Variants in KCNJ15 observed in about 807,000 individuals in gnomAD.
The protein encoded by KCNJ15 is ATP-sensitive inward rectifier potassium channel 15.
KCNJ15 carries 14 observed loss-of-function variants against 23.0 expected under a neutral mutation model. The ratio of observed to expected loss-of-function variants is 0.61; its 90% CI spans 0.40 to 0.95. The LOEUF (loss-of-function observed/expected upper bound fraction) is 0.95. Among genes scored for constraint, KCNJ15 ranks in the 40% least tolerant of loss-of-function variants. KCNJ15 has a pLI of 0.00. For missense variants in KCNJ15, 388 were observed against 461.8 expected (o/e 0.84, Z 1.46); for synonymous variants, 185 against 183.2 (o/e 1.01, Z -0.08).
At chr21:38,277,183 T>C (rs963018653) in intron 1 of KCNJ15, among the ~76,000 whole-genome samples, 2 of 152,162 alleles carry the variant, frequency 1.3e-5, no homozygotes, top group African/African-American at 4.8e-5. Context: ...GCATCTTTGA[T>C]TTTTGTAAAC....
At chr21:38,275,788 T>A (rs1239968917) in intron 1 of KCNJ15, among the ~76,000 whole-genome samples, 3 of 152,188 alleles carry the variant, frequency 2.0e-5, no homozygotes, top group African/African-American at 7.2e-5. Context: ...ACTTGAAACA[T>A]ACTTTGCCAC....
At chr21:38,243,452 T>TCTC (rs908428036) in intron 1 of KCNJ15, among the ~76,000 whole-genome samples, 1 of 83,580 alleles carries the variant, frequency 1.2e-5, no homozygotes, top group African/African-American at 1.0e-4. Context: ...CTTTTTGAGA[T>TCTC]GGAGTATCAC....
At chr21:38,243,911 C>T (rs1979184881) in intron 1 of KCNJ15, among the ~76,000 whole-genome samples, 1 of 152,162 alleles carries the variant, frequency 6.6e-6, no homozygotes, top group African/African-American at 2.4e-5. Flanking sequence ...CATAAAATAA[C>T]CATTTTCTAA....
chr21:38,234,891 A>G (rs1978499294), intron 1 of KCNJ15, among the ~76,000 whole-genome samples: 1 of 152,244 alleles, frequency 6.6e-6, no homozygotes, highest in South Asian at 2.1e-4. Flanking sequence ...ATCTGGCAAC[A>G]GAGATGTTTT....
intron 1 of KCNJ15, among the ~76,000 whole-genome samples, chr21:38,281,336 A>G (rs1358559108): frequency 6.6e-6 from 1 of 152,130 alleles, no homozygotes; most frequent in Non-Finnish European, 1.5e-5. Context: ...ATTAAACAAG[A>G]ATATTGCATG....
At position 38,300,715 on chromosome 21, in the gene KCNJ15, G is replaced by T; in HGVS notation, c.*326G>T. 4.2e-6 allele frequency: 1 copy of T among 235,618 alleles called. No individual in the cohort carries two copies. The allele number at this position is 235,618 out of a possible 1,614,324, so 14.6% of individuals were successfully genotyped here. A position where few individuals can be genotyped will look rare whatever the true frequency, so the allele number is the denominator to read the frequency against. On this transcript the variant is annotated 3_prime_UTR_variant, in exon 3 of 3. Coordinates refer to ENST00000398938, the MANE Select transcript of KCNJ15 (RefSeq NM_170736.3). The stretch of plus-strand genomic sequence containing the variant: ...ACATTTAGCAATCCTGACATTAAAA[G>T]GAAATGTATTTCTATACAAGATTAT...
Position 38,260,226 on chromosome 21 carries a change from G to A in KCNJ15, c.-117+3041G>A, listed in dbSNP as rs188029429. Among the ~76,000 whole-genome samples the A allele has an allele frequency of 2.1e-4, 32 of 152,270 alleles. No individual in the cohort carries two copies. In the East Asian group the frequency reaches 5.2e-3, roughly 25 times the overall value. On this transcript the variant is annotated intron_variant, in intron 1 of 2. Transcript: ENST00000398938. ...GATATTTCTGATAAAAAGGCCAGGC[G>A]AGAAAGTTGAACTTGACAGGTGTAG...
chr21:38,290,212 C>T (rs370610405), intron 1 of KCNJ15, among the ~76,000 whole-genome samples: 1 of 152,138 alleles, frequency 6.6e-6, no homozygotes, highest in Non-Finnish European at 1.5e-5. Flanking sequence ...AATGAGTCCC[C>T]TGTTGGGCCC....
At chr21:38,292,177 A>G (rs3787888) in intron 1 of KCNJ15, among the ~76,000 whole-genome samples, 15,299 of 152,242 alleles carry the variant, frequency 0.1, 2,185 homozygotes, top group African/African-American at 0.32. Flanking sequence ...AGCTTTGTGA[A>G]TGCATGTAAA....
rs552167212 is a variant in KCNJ15, at chr21:38,234,203, T to A, written c.-398-22843T>A. Among the ~76,000 whole-genome samples, 6 of 152,352 alleles carry A rather than the reference T, an allele frequency of 3.9e-5. No homozygotes were observed. The South Asian group carries it at 1.2e-3, about 32-fold the overall frequency. ...TCCAACCTGCGGCCTGGGGACCACA[T>A]GTAGCCCAGGATGGCTTTGAATGTG... On this transcript the variant is annotated intron_variant, in intron 1 of 4. Coordinates refer to the KCNJ15 transcript ENST00000547341.
chr21:38,272,329 G>C (rs1046912395), intron 1 of KCNJ15: 10 of 152,320 alleles, frequency 6.6e-5, no homozygotes, highest in African/African-American at 2.4e-4. Context: ...ACACGGATGA[G>C]GGCAGCTGGG....
intron 1 of KCNJ15, among the ~76,000 whole-genome samples, chr21:38,267,063 A>C (rs1981539216): frequency 1.3e-5 from 2 of 152,316 alleles, no homozygotes; most frequent in South Asian, 4.1e-4. Context: ...GAAGACCTGG[A>C]CCAGCATGGT....
intron 1 of KCNJ15, among the ~76,000 whole-genome samples, chr21:38,292,349 C>T (rs1298688694): frequency 6.6e-6 from 1 of 152,096 alleles, no homozygotes; most frequent in Admixed American, 6.5e-5. Flanking sequence ...CTATCAATGA[C>T]CTAATGACAG....
At chr21:38,238,802 A>C (rs1978798390) in intron 1 of KCNJ15, 1 of 306,802 alleles carries the variant, frequency 3.3e-6, no homozygotes, top group African/African-American at 2.2e-5. Flanking sequence ...CCAATATGTT[A>C]TTGTCCAGAG....
At chr21:38,255,666 A>G (rs893272800), upstream of KCNJ15, among the ~76,000 whole-genome samples, 1 of 152,070 alleles carries the variant, frequency 6.6e-6, no homozygotes. Flanking sequence ...CAGCAGGGAG[A>G]GGGGGGAGAA....
At chr21:38,262,935 C>T (rs570534835) in intron 1 of KCNJ15, among the ~76,000 whole-genome samples, 1 of 152,322 alleles carries the variant, frequency 6.6e-6, no homozygotes, top group Non-Finnish European at 1.5e-5. Flanking sequence ...ACCTCAACCT[C>T]CCAAAGTGCT....
At chr21:38,269,649 A>G (rs543146553) in intron 1 of KCNJ15, among the ~76,000 whole-genome samples, 3 of 152,334 alleles carry the variant, frequency 2.0e-5, no homozygotes, top group Non-Finnish European at 4.4e-5. Flanking sequence ...ACCTCAGTGG[A>G]AAACATATAT....
chr21:38,264,995 A>T (rs1392394089), intron 1 of KCNJ15, among the ~76,000 whole-genome samples: 1 of 152,188 alleles, frequency 6.6e-6, no homozygotes, highest in African/African-American at 2.4e-5. Flanking sequence ...GAGGAAGAAA[A>T]CAAGGGGAAA....
chr21:38,263,778 G>A (rs1238635982), intron 1 of KCNJ15, among the ~76,000 whole-genome samples: 1 of 152,168 alleles, frequency 6.6e-6, no homozygotes, highest in African/African-American at 2.4e-5. Context: ...GCATGTGACT[G>A]GCCAGCCTTC....
Sources: allele counts gnomAD v4.1 joint callset (sites outside exome capture counted in the v4.1 genomes callset), GRCh38; gene constraint gnomAD v4.1.1; transcripts MANE v1.5; gene names NCBI Gene and HGNC (gene_info 2026-07-23, HGNC 2026-07-21).